The following CCDC88C variants were observed in gnomAD, a reference collection of about 807,000 sequenced individuals.
CCDC88C encodes the protein protein Daple.
Under a neutral mutation model 198.8 loss-of-function variants are expected in CCDC88C, and 131 were observed. The observed-to-expected ratio is 0.66, with a 90% CI of 0.57 to 0.76. The LOEUF is 0.76. Among genes scored for constraint, CCDC88C ranks in the 30% least tolerant of loss-of-function variants. The pLI is 0.00. For synonymous variants in CCDC88C, 1,166 were observed against 1,114.7 expected (o/e 1.05, Z -0.92); for missense variants, 2,553 against 2,631.6 (o/e 0.97, Z 0.65).
chr14:91,311,096 T>A (rs945801177), intron 15 of CCDC88C, among the ~76,000 whole-genome samples: 1 of 151,100 alleles, frequency 6.6e-6, no homozygotes, highest in Non-Finnish European at 1.5e-5. Flanking sequence ...GTAGAGACCG[T>A]GGAGCCACGA....
chr14:91,320,024 C>CAA (rs61102058), intron 13 of CCDC88C, among the ~76,000 whole-genome samples: 553 of 24,150 alleles, frequency 0.023, 45 homozygotes, highest in African/African-American at 0.048. Context: ...AACTCAGTCT[C>CAA]AAAAAAAAAA....
intron 3 of CCDC88C, among the ~76,000 whole-genome samples, chr14:91,368,901 C>CA (rs1269131994): frequency 6.6e-6 from 1 of 152,234 alleles, no homozygotes; most frequent in Non-Finnish European, 1.5e-5. Flanking sequence ...CTGGCACTGG[C>CA]AACCAGCCAA....
At chr14:91,386,363 A>T (rs1885145018) in intron 3 of CCDC88C, among the ~76,000 whole-genome samples, 1 of 151,554 alleles carries the variant, frequency 6.6e-6, no homozygotes, top group Non-Finnish European at 1.5e-5. Context: ...CGCGAGGCTG[A>T]GGCAGGAGAA....
chr14:91,401,578 G>A (rs375311521), intron 3 of CCDC88C, among the ~76,000 whole-genome samples: 3 of 151,674 alleles, frequency 2.0e-5, no homozygotes, highest in Non-Finnish European at 4.4e-5. Context: ...CTCATGATCC[G>A]TCTGCCTTGG....
intron 3 of CCDC88C, among the ~76,000 whole-genome samples, chr14:91,376,852 A>C (rs1219083882): frequency 1.3e-5 from 2 of 152,210 alleles, no homozygotes; most frequent in Non-Finnish European, 2.9e-5. Context: ...CGAGCCCCTG[A>C]GGTTAATATC....
In CCDC88C at chr14:91,340,009, C is replaced by T; in HGVS notation, c.499G>A (p.Glu167Lys). The T allele has an allele frequency of 6.2e-7, 1 of 1,609,658 alleles. No individual in the cohort carries two copies. The highest frequency in any genetic ancestry group is 1.1e-5 in the South Asian group (1 of 89,836). ...AGCCACTGCAGGTCAAACACGTTCT[C>T]TTGGTTGTGAGTCACCTGTGGGCAC... ...AHIQEVTHNQENVFDLQWLEL... is the reference protein window; with the variant it reads ...AHIQEVTHNQKNVFDLQWLEL... The change falls in exon 7 of 30, where the codon GAG becomes AAG. Residue 167 changes from glutamate (E) to lysine (K), a missense_variant. By Grantham distance (56) the Glu-to-Lys change is moderately conservative. Around this residue, in one of 2 missense-constraint regions of CCDC88C, gnomAD observed 1,260 missense variants for 1,412.0 expected, o/e 0.89. Coordinates refer to ENST00000389857, the MANE Select transcript of CCDC88C (RefSeq NM_001080414.4).
intron 3 of CCDC88C, among the ~76,000 whole-genome samples, chr14:91,373,970 C>T (rs572830994): frequency 6.6e-6 from 1 of 152,336 alleles, no homozygotes; most frequent in African/African-American, 2.4e-5. Context: ...GCCCCTCTCT[C>T]GTGTCCCTGC....
intron 3 of CCDC88C, among the ~76,000 whole-genome samples, chr14:91,405,810 C>T (rs183113280): frequency 5.9e-5 from 9 of 152,314 alleles, no homozygotes; most frequent in Admixed American, 3.9e-4. Flanking sequence ...AGCAGAACAC[C>T]GTCCACATGG....
At chr14:91,299,592 T>C (rs1473922580) in intron 21 of CCDC88C, among the ~76,000 whole-genome samples, 5 of 152,246 alleles carry the variant, frequency 3.3e-5, no homozygotes, top group Non-Finnish European at 5.9e-5. Context: ...CTGTGAATCA[T>C]GAGCAATCTG....
At position 91,289,107 on chromosome 14, in the gene CCDC88C, T is replaced by A. The variant is rs750306032; in HGVS notation, c.4439A>T (p.Lys1480Ile). Residue 1480 changes from lysine (K) to isoleucine (I), a missense_variant and splice_region_variant, in exon 25 of 30, where the codon AAA becomes ATA. Lys to Ile is a moderately radical substitution (Grantham distance 102). Transcript: ENST00000389857. Reference sequence around the variant, plus strand: ...ACGGCCAGGACGGCCGCCCCTACCTTTCCCCACAGACCCGTTGTGGGCGTC... The same window carrying A: ...ACGGCCAGGACGGCCGCCCCTACCTATCCCCACAGACCCGTTGTGGGCGTC... The part of the protein sequence containing the change: ...ERDAHNGSVG[K>I]GPGDLKPKRG... 1.9e-6 allele frequency: 3 copies of A among 1,611,354 alleles called. No individual in the cohort carries two copies. The East Asian group carries it at 6.7e-5, about 36-fold the overall frequency.
intron 19 of CCDC88C, 78 bp downstream of exon 19, chr14:91,305,687 G>GC (rs1891525238): frequency 4.9e-6 from 7 of 1,418,164 alleles, no homozygotes; most frequent in Middle Eastern, 4.7e-4. Flanking sequence ...GAGTCCTAAT[G>GC]CCCCCAGTTG....
Position 91,339,222 on chromosome 14 carries a change from C to T in CCDC88C, c.809+56G>A. 2 of 1,592,838 alleles carry T rather than the reference C, an allele frequency of 1.3e-6. No homozygotes were observed. The highest frequency in any genetic ancestry group is 2.3e-5 in the South Asian group (2 of 88,614). On this transcript the variant is annotated intron_variant, in intron 8 of 29. Transcript: ENST00000389857. This position sits in a 1 kb window ranked among gnomAD's most constrained non-coding sequence, Gnocchi z 5.8. ...GCACCACACATGTGAGTCGACACCA[C>T]ACCAGAAACATGTCTGCAACACACA...
intron 3 of CCDC88C, among the ~76,000 whole-genome samples, chr14:91,367,653 G>A (rs1894604161): frequency 6.6e-6 from 1 of 152,178 alleles, no homozygotes; most frequent in East Asian, 1.9e-4. Flanking sequence ...GCCCAGACAA[G>A]TCTGGGAAGG....
intron 3 of CCDC88C, among the ~76,000 whole-genome samples, chr14:91,401,652 T>A (rs1161808819): frequency 6.6e-6 from 1 of 152,118 alleles, no homozygotes; most frequent in Non-Finnish European, 1.5e-5. Context: ...ATTTTTATAA[T>A]CAAAAATGTT....
chr14:91,304,085 GGGC>G, intron 19 of CCDC88C, 107 bp from the exon 20 acceptor site: 1 of 1,334,620 alleles, frequency 7.5e-7, no homozygotes, highest in South Asian at 1.3e-5. Context: ...GGGACCCTCA[GGGC>G]AGAAGACCCA....
chr14:91,319,145 T>C (rs1355978545), intron 13 of CCDC88C, among the ~76,000 whole-genome samples: 2 of 152,144 alleles, frequency 1.3e-5, no homozygotes, highest in East Asian at 1.9e-4. Flanking sequence ...AGCTGGTGCA[T>C]TCAGAGCCCA....
intron 3 of CCDC88C, among the ~76,000 whole-genome samples, chr14:91,361,486 C>G (rs1428023088): frequency 6.6e-6 from 1 of 152,174 alleles, no homozygotes; most frequent in African/African-American, 2.4e-5. Flanking sequence ...ATGGTCTTCT[C>G]GTCCCTCCTT....
Position 91,417,717 on chromosome 14 carries a change from G to GC in CCDC88C, c.-28dup, listed in dbSNP as rs1596183772. The GC allele has an allele frequency of 3.4e-6, 5 of 1,474,910 alleles. No individual in the cohort carries two copies. The highest frequency in any genetic ancestry group is 2.9e-5 in the East Asian group (1 of 33,970). The allele number at this position is 1,474,910 out of a possible 1,614,324, so 91.4% of individuals were successfully genotyped here. A position where few individuals can be genotyped will look rare whatever the true frequency, so the allele number is the denominator to read the frequency against. On this transcript the variant is annotated 5_prime_UTR_variant, in exon 1 of 30. Coordinates refer to ENST00000389857, the MANE Select transcript of CCDC88C (RefSeq NM_001080414.4). ...CTGAGGCTGCGCCCGCCGGCTCCGC[G>GC]CCCCCCGCCCCGCGTCCCCGTTCCC...
chr14:91,382,725 G>A (rs1283269018), intron 3 of CCDC88C, among the ~76,000 whole-genome samples: 1 of 152,156 alleles, frequency 6.6e-6, no homozygotes, highest in Non-Finnish European at 1.5e-5. Context: ...AAAATTCAAG[G>A]GACGACCTTG....
Sources: gnomAD v4.1 joint callset for allele counts (sites outside exome capture counted in the v4.1 genomes callset) on GRCh38, gnomAD v4.1.1 for gene constraint, gnomAD v4.1.1 regional missense constraint, Gnocchi (gnomAD v3.1) non-coding constraint, MANE v1.5 for transcripts, NCBI Gene and HGNC (gene_info 2026-07-23, HGNC 2026-07-21) for gene names.